Variants in KCNQ4 observed in about 807,000 individuals in gnomAD.
KCNQ4 encodes potassium voltage-gated channel subfamily KQT member 4.
In KCNQ4, 31 loss-of-function variants were observed where a neutral mutation model predicts 72.6. The ratio of observed to expected loss-of-function variants is 0.43; its 90% CI spans 0.32 to 0.58. The LOEUF is 0.58. Among genes scored for constraint, KCNQ4 ranks in the 20% least tolerant of loss-of-function variants. The pLI is 0.08. For missense variants in KCNQ4, 869 were observed against 962.6 expected, an observed-to-expected ratio of 0.90 and a Z score of 1.29; for synonymous variants, 405 against 403.7, an observed-to-expected ratio of 1.00 and a Z score of -0.04.
rs935507101 is a variant in KCNQ4, at chr1:40,824,275, G to A, written c.1292+17G>A. 1 of 1,602,232 alleles carries A rather than the reference G, an allele frequency of 6.2e-7. No homozygotes were observed. The highest frequency in any genetic ancestry group is 8.5e-7 in the Non-Finnish European group (1 of 1,176,160). ...TGGGGAAAGGTAGGGGCCCCGTGGG[G>A]CTGCCACCTCCTCTTGCTTCTCCTC... is the stretch of plus-strand genomic sequence containing the variant. On this transcript the variant is annotated intron_variant, in intron 9 of 13. Transcript: ENST00000347132.
chr1:40,822,367 C>T lies in KCNQ4; in HGVS notation c.1095C>T (p.Thr365=). The change falls in exon 8 of 14, where the codon ACC becomes ACT. Residue 365 remains threonine (T), a synonymous_variant. Transcript: ENST00000347132. The part of the protein sequence containing the change: ...TDMSRAYLTA[T]WYYYDSILPS... ...TGAGCCGGGCCTACCTGACAGCCAC[C>T]TGGTACTACTATGACAGTATCCTCC... The T allele has an allele frequency of 2.1e-6, 3 of 1,406,220 alleles. No individual in the cohort carries two copies. The highest frequency in any genetic ancestry group is 2.8e-6 in the Non-Finnish European group (3 of 1,054,806). 87.1% of individuals were successfully genotyped at this position (1,406,220 alleles called of 1,614,324 possible).
rs1570828221 is a variant in KCNQ4 at position 40,817,973 on chromosome 1, C to A, written c.406-191C>A. ...ACCGGAAGGGGAGGACACACTAGGG[C>A]TTTTAGTCTTCTTGCAGGAGGCGGA... On this transcript the variant is annotated intron_variant, in intron 2 of 13. Coordinates refer to ENST00000347132, the MANE Select transcript of KCNQ4 (RefSeq NM_004700.4). This position sits in a 1 kb window ranked among gnomAD's most constrained non-coding sequence, Gnocchi z 5.5. 6.6e-6 allele frequency among the ~76,000 whole-genome samples: 1 copy of A among 152,088 alleles called. No homozygotes were observed. Among genetic ancestry groups the A allele is most frequent in the Admixed American group, 6.5e-5 (1 of 15,274 alleles).
rs374335059 is a variant in KCNQ4, at chr1:40,792,453, C to T, written c.314+8046C>T. ...TGCTATACAGAACCTCAGGTCTCAG[C>T]GCTGGAGCAGATCCACGGGCTTCAT... On this transcript the variant is annotated intron_variant, in intron 1 of 13. Coordinates refer to ENST00000347132, the MANE Select transcript of KCNQ4 (RefSeq NM_004700.4). Among the ~76,000 whole-genome samples, 37 of 152,308 alleles carry T rather than the reference C, an allele frequency of 2.4e-4. 2 individuals are homozygous for T. Among genetic ancestry groups the T allele is most frequent in the African/African-American group, 7.9e-4 (33 of 41,558 alleles).
intron 9 of KCNQ4, among the ~76,000 whole-genome samples, chr1:40,828,169 G>A (rs1175013991): frequency 6.6e-6 from 1 of 152,086 alleles, no homozygotes; most frequent in Admixed American, 6.5e-5. Context: ...CAGATCATGA[G>A]GCCCTAAAGA....
intron 12 of KCNQ4, 68 bp downstream of exon 12, chr1:40,835,166 G>C (rs1219267746): frequency 6.3e-7 from 1 of 1,574,888 alleles, no homozygotes; most frequent in Non-Finnish European, 8.6e-7. Flanking sequence ...AATGAAGTCT[G>C]AGGCCAACCC....
At chr1:40,807,856 G>T (rs1647810771) in intron 1 of KCNQ4, among the ~76,000 whole-genome samples, 1 of 152,208 alleles carries the variant, frequency 6.6e-6, no homozygotes, top group Non-Finnish European at 1.5e-5. Flanking sequence ...GGTCTAGGGG[G>T]CAAGGAAAGA....
intron 1 of KCNQ4, among the ~76,000 whole-genome samples, chr1:40,786,181 G>C (rs1041339132): frequency 6.6e-6 from 1 of 152,142 alleles, no homozygotes; most frequent in Non-Finnish European, 1.5e-5. Flanking sequence ...ACCCCCCAGA[G>C]AACAACTGTG....
At chr1:40,828,116 G>A (rs1049150559) in intron 9 of KCNQ4, among the ~76,000 whole-genome samples, 2 of 152,342 alleles carry the variant, frequency 1.3e-5, no homozygotes, top group Non-Finnish European at 2.9e-5. Context: ...TTCAGAAGTC[G>A]TAGGCTGCCT....
intron 7 of KCNQ4, 63 bp downstream of exon 7, chr1:40,820,323 C>A: frequency 7.3e-7 from 1 of 1,374,860 alleles, no homozygotes; most frequent in Non-Finnish European, 1.0e-6. Context: ...GTGTGTCAAC[C>A]CTGTGTGCTG....
In KCNQ4 at chr1:40,838,344, T is replaced by C. The variant is rs927943194; in HGVS notation, c.1909T>C (p.Leu637=). The C allele has an allele frequency of 1.9e-5, 30 of 1,613,756 alleles. No individual in the cohort carries two copies. Among genetic ancestry groups the C allele is most frequent in the Non-Finnish European group, 2.4e-5 (28 of 1,179,932 alleles). Residue 637 remains leucine, a synonymous_variant, in exon 14 of 14, where the codon TTG becomes CTG. Coordinates refer to ENST00000347132, the MANE Select transcript of KCNQ4 (RefSeq NM_004700.4). ...QSIEHKLDLL[L]GFYSRCLRSG... ...CATCGAGCACAAGCTGGACCTGCTG[T>C]TGGGCTTCTATTCGCGCTGCCTGCG...
intron 1 of KCNQ4, among the ~76,000 whole-genome samples, chr1:40,812,236 A>G (rs1045478718): frequency 1.3e-5 from 2 of 152,272 alleles, no homozygotes; most frequent in East Asian, 3.9e-4. Flanking sequence ...ATGGATAATT[A>G]TTCAGGTGCC....
intron 1 of KCNQ4, among the ~76,000 whole-genome samples, chr1:40,789,985 G>A (rs1474183493): frequency 2.6e-5 from 4 of 152,212 alleles, no homozygotes; most frequent in South Asian, 2.1e-4. Context: ...GGGCTATGGA[G>A]CCCCCCAGCA....
At chr1:40,831,674 G>A (rs939417329) in intron 10 of KCNQ4, among the ~76,000 whole-genome samples, 9 of 152,128 alleles carry the variant, frequency 5.9e-5, no homozygotes, top group Non-Finnish European at 1.2e-4. Flanking sequence ...CCACTTCCTA[G>A]GATTATTGTG....
chr1:40,838,295 TGCGCCCC>T lies in KCNQ4; in HGVS notation c.1876-14_1876-8del, dbSNP rs762499346. ...CCGGTCCCAGGCCCTGCTTCCCAGC[TGCGCCCC>T]GTCCCCAGGTGCAGTCCATCGAGCA... is the stretch of plus-strand genomic sequence containing the variant. On this transcript the variant is annotated splice_polypyrimidine_tract_variant and intron_variant, in intron 13 of 13. Coordinates refer to ENST00000347132, the MANE Select transcript of KCNQ4 (RefSeq NM_004700.4). 1 of 1,611,102 alleles carries T rather than the reference TGCGCCCC, an allele frequency of 6.2e-7. No individual in the cohort carries two copies. Among genetic ancestry groups the T allele is most frequent in the South Asian group, 1.1e-5 (1 of 91,054 alleles).
chr1:40,825,093 G>A lies in KCNQ4; in HGVS notation c.1292+835G>A, dbSNP rs557368107. 2.0e-5 allele frequency among the ~76,000 whole-genome samples: 3 copies of A among 152,368 alleles called. No individual in the cohort carries two copies. In the South Asian group the frequency reaches 6.2e-4, roughly 32 times the overall value. On this transcript the variant is annotated intron_variant, in intron 9 of 13. Transcript: ENST00000347132. ...CCACTCACAGCATGGGAAAGTGGCT[G>A]CTCTTGTAGAGGTTTAGCTTTGAGG... is the stretch of plus-strand genomic sequence containing the variant.
At chr1:40,814,011 T>C (rs957561301) in intron 1 of KCNQ4, among the ~76,000 whole-genome samples, 4 of 149,688 alleles carry the variant, frequency 2.7e-5, no homozygotes, top group African/African-American at 9.8e-5. Flanking sequence ...CCTCCCAAAG[T>C]ACTGGGATTA....
intron 1 of KCNQ4, among the ~76,000 whole-genome samples, chr1:40,807,392 G>A (rs1361241194): frequency 2.0e-5 from 3 of 152,196 alleles, no homozygotes; most frequent in East Asian, 1.9e-4. Flanking sequence ...AAGCCCCAGC[G>A]CAAGCCTCTG....
chr1:40,807,791 G>C (rs1647808947), intron 1 of KCNQ4, among the ~76,000 whole-genome samples: 1 of 152,192 alleles, frequency 6.6e-6, no homozygotes, highest in Non-Finnish European at 1.5e-5. Context: ...ATGGAGGACA[G>C]ACTGGCCTCA....
At position 40,784,474 on chromosome 1, in the gene KCNQ4, C is replaced by T. The variant is rs1647184411; in HGVS notation, c.314+67C>T. The T allele has an allele frequency of 1.3e-6, 2 of 1,499,290 alleles. No individual in the cohort carries two copies. Among genetic ancestry groups the T allele is most frequent in the African/African-American group, 1.4e-5 (1 of 72,602 alleles). 92.9% of individuals were successfully genotyped at this position (1,499,290 alleles called of 1,614,324 possible). A position where few individuals can be genotyped will look rare whatever the true frequency, so the allele number is the denominator to read the frequency against. ...AGCCTGGCCTCCCGGGGCACGGCCG[C>T]CCCGCCCTGGCTCCGCCTTCTACCC... On this transcript the variant is annotated intron_variant, in intron 1 of 13. Coordinates refer to ENST00000347132, the MANE Select transcript of KCNQ4 (RefSeq NM_004700.4). The surrounding 1 kb of genome is among the most constrained non-coding windows in gnomAD (Gnocchi z 4.1).
Sources: allele counts gnomAD v4.1 joint callset (sites outside exome capture counted in the v4.1 genomes callset), GRCh38; gene constraint gnomAD v4.1.1; non-coding constraint Gnocchi (gnomAD v3.1); transcripts MANE v1.5; gene names NCBI Gene and HGNC (gene_info 2026-07-23, HGNC 2026-07-21).